The following DRC11 variants were observed in gnomAD, a reference collection of about 807,000 sequenced individuals.
DRC11 encodes the protein IQ and AAA domain-containing protein 1.
At chr2:236,392,860 C>T in the DRC11 span, among the ~76,000 whole-genome samples, 1 of 152,232 alleles carries the variant, frequency 6.6e-6, no homozygotes, top group Non-Finnish European at 1.5e-5. This position sits in a 1 kb window ranked among gnomAD's most constrained non-coding sequence, Gnocchi z 5.1. Flanking sequence ...CCTAATTCAA[C>T]AGCTAAATTT....
chr2:236,419,186 G>T, the DRC11 span: 2 of 1,535,100 alleles, frequency 1.3e-6, no homozygotes. The surrounding 1 kb of genome is among the most constrained non-coding windows in gnomAD (Gnocchi z 4.8). Context: ...TTGTTTTTTG[G>T]CTTTCTTGGG....
At chr2:236,399,313 C>A in the DRC11 span, 1 of 962,708 alleles carries the variant, frequency 1.0e-6, no homozygotes, top group Non-Finnish European at 1.7e-6. This position sits in a 1 kb window ranked among gnomAD's most constrained non-coding sequence, Gnocchi z 7.0. Flanking sequence ...TAGAGACAGG[C>A]AGAATGTCTC....
At chr2:236,441,896 G>A in the DRC11 span, among the ~76,000 whole-genome samples, 3 of 152,162 alleles carry the variant, frequency 2.0e-5, no homozygotes, top group Non-Finnish European at 2.9e-5. Flanking sequence ...GGATCCCAAA[G>A]AGTTTTTGCT....
At chr2:236,390,165 G>GGT in the DRC11 span, among the ~76,000 whole-genome samples, 1 of 151,938 alleles carries the variant, frequency 6.6e-6, no homozygotes, top group South Asian at 2.1e-4. This position sits in a 1 kb window ranked among gnomAD's most constrained non-coding sequence, Gnocchi z 5.9. Flanking sequence ...TTTGATTAAA[G>GGT]GTGTATATAT....
At chr2:236,327,831 T>C in the DRC11 span, among the ~76,000 whole-genome samples, 1 of 151,978 alleles carries the variant, frequency 6.6e-6, no homozygotes, top group African/African-American at 2.4e-5. Flanking sequence ...TACAGGCATG[T>C]GCCACCACGT....
chr2:236,356,973 ATATT>A, the DRC11 span, among the ~76,000 whole-genome samples: 1 of 92,208 alleles, frequency 1.1e-5, no homozygotes, highest in African/African-American at 4.4e-5. Flanking sequence ...TATATATTAT[ATATT>A]CATATATTAT....
At chr2:236,316,640 A>G in the DRC11 span, among the ~76,000 whole-genome samples, 1 of 152,242 alleles carries the variant, frequency 6.6e-6, no homozygotes, top group Admixed American at 6.5e-5. The surrounding 1 kb of genome is among the most constrained non-coding windows in gnomAD (Gnocchi z 6.8). Flanking sequence ...AAGTACGGTA[A>G]TATTCAAGTG....
the DRC11 span, among the ~76,000 whole-genome samples, chr2:236,357,610 T>C: frequency 1.6e-5 from 2 of 124,210 alleles, no homozygotes; most frequent in African/African-American, 6.5e-5. Context: ...TAAATATATA[T>C]TTATAAATAT....
At chr2:236,419,832 A>G in the DRC11 span, among the ~76,000 whole-genome samples, 1 of 152,254 alleles carries the variant, frequency 6.6e-6, no homozygotes, top group African/African-American at 2.4e-5. This position sits in a 1 kb window ranked among gnomAD's most constrained non-coding sequence, Gnocchi z 4.8. Flanking sequence ...ACATAGGATT[A>G]GCACTACTGG....
the DRC11 span, among the ~76,000 whole-genome samples, chr2:236,499,999 G>A: frequency 6.6e-6 from 1 of 152,088 alleles, no homozygotes; most frequent in Non-Finnish European, 1.5e-5. This position sits in a 1 kb window ranked among gnomAD's most constrained non-coding sequence, Gnocchi z 4.7. Flanking sequence ...ATCATTTATT[G>A]AAGCACTGAT....
the DRC11 span, among the ~76,000 whole-genome samples, chr2:236,331,109 T>C: frequency 6.6e-6 from 1 of 152,196 alleles, no homozygotes; most frequent in Non-Finnish European, 1.5e-5. This position sits in a 1 kb window ranked among gnomAD's most constrained non-coding sequence, Gnocchi z 4.8. Flanking sequence ...TCCAATGGTG[T>C]TGAAGCTGCT....
At chr2:236,410,575 C>G in the DRC11 span, among the ~76,000 whole-genome samples, 1 of 150,436 alleles carries the variant, frequency 6.6e-6, no homozygotes, top group Non-Finnish European at 1.5e-5. Flanking sequence ...CAAAAAAGAG[C>G]CCGCATCGCC....
chr2:236,429,363 T>C, the DRC11 span, among the ~76,000 whole-genome samples: 1 of 152,218 alleles, frequency 6.6e-6, no homozygotes, highest in African/African-American at 2.4e-5. This position sits in a 1 kb window ranked among gnomAD's most constrained non-coding sequence, Gnocchi z 5.9. Context: ...ACCATCTGCA[T>C]GCATGGGCAT....
chr2:236,358,427 T>TATAATATATAAATATATATGA, the DRC11 span, among the ~76,000 whole-genome samples: 1 of 137,852 alleles, frequency 7.3e-6, no homozygotes, highest in East Asian at 2.0e-4. Flanking sequence ...TATATGAATA[T>TATAATATATAAATATATATGA]ATATCATATA....
chr2:236,363,370 T>C, the DRC11 span, among the ~76,000 whole-genome samples: 1 of 152,146 alleles, frequency 6.6e-6, no homozygotes. This position sits in a 1 kb window ranked among gnomAD's most constrained non-coding sequence, Gnocchi z 5.6. Flanking sequence ...CACACCTGTG[T>C]GAGGAGTGCA....
chr2:236,356,966 AT>A, the DRC11 span, among the ~76,000 whole-genome samples: 1 of 110,392 alleles, frequency 9.1e-6, no homozygotes, highest in Non-Finnish European at 1.8e-5. Context: ...ATAAATATAT[AT>A]ATTATATATT....
chr2:236,384,456 A>T, the DRC11 span, among the ~76,000 whole-genome samples: 1 of 152,208 alleles, frequency 6.6e-6, no homozygotes, highest in African/African-American at 2.4e-5. Flanking sequence ...GGCTGCATAA[A>T]TGTCTTCTTT....
the DRC11 span, chr2:236,497,077 CTG>C: frequency 9.5e-7 from 1 of 1,053,440 alleles, no homozygotes; most frequent in Non-Finnish European, 1.4e-6. The surrounding 1 kb of genome is among the most constrained non-coding windows in gnomAD (Gnocchi z 5.1). Context: ...GACAGGAAGT[CTG>C]TAGAGTATCG....
At chr2:236,466,803 A>C in the DRC11 span, among the ~76,000 whole-genome samples, 1 of 152,182 alleles carries the variant, frequency 6.6e-6, no homozygotes, top group African/African-American at 2.4e-5. Context: ...TTTCAGCATG[A>C]GATTTGGAGG....
Sources: allele counts gnomAD v4.1 joint callset (sites outside exome capture counted in the v4.1 genomes callset), GRCh38; gene constraint gnomAD v4.1.1; non-coding constraint Gnocchi (gnomAD v3.1); transcripts MANE v1.5; gene names NCBI Gene and HGNC (gene_info 2026-07-23, HGNC 2026-07-21).